The following SLC25A13 variants were observed in gnomAD, a reference collection of about 807,000 sequenced individuals.
The protein encoded by SLC25A13 is electrogenic aspartate/glutamate antiporter SLC25A13, mitochondrial.
SLC25A13 carries 70 observed loss-of-function variants against 85.5 expected under a neutral mutation model. The ratio of observed to expected loss-of-function variants is 0.82; its 90% CI spans 0.68 to 1.00. SLC25A13 has a LOEUF of 1.00. Ranked by LOEUF, SLC25A13 falls within the 50% of genes least tolerant of loss-of-function variation. The pLI, the probability that SLC25A13 is intolerant of heterozygous loss-of-function variation, is 0.00. For missense variants in SLC25A13, 765 were observed against 819.8 expected (o/e 0.93, Z 0.82); for synonymous variants, 259 against 288.7 (o/e 0.90, Z 1.04).
chr7:96,293,058 C>G (rs1475161938), intron 2 of SLC25A13, among the ~76,000 whole-genome samples: 1 of 152,178 alleles, frequency 6.6e-6, no homozygotes. Flanking sequence ...ACCAAAACAG[C>G]ACGGTACTGG....
At chr7:96,180,534 G>A (rs1214880076) in intron 11 of SLC25A13, among the ~76,000 whole-genome samples, 2 of 152,166 alleles carry the variant, frequency 1.3e-5, no homozygotes, top group Non-Finnish European at 2.9e-5. Flanking sequence ...TGGCCATGTT[G>A]GCCAGGCTGG....
intron 13 of SLC25A13, among the ~76,000 whole-genome samples, chr7:96,157,226 T>G (rs943852873): frequency 1.3e-5 from 2 of 151,052 alleles, no homozygotes; most frequent in Admixed American, 6.6e-5. Context: ...AAATGCTCTG[T>G]TTTTTTTTCA....
At chr7:96,211,361 A>C (rs558282617) in intron 4 of SLC25A13, among the ~76,000 whole-genome samples, 60 of 152,250 alleles carry the variant, frequency 3.9e-4, no homozygotes, top group African/African-American at 1.3e-3. Flanking sequence ...TCTCAGATCT[A>C]AAATCTGACA....
chr7:96,204,123 A>T (rs190004954), intron 5 of SLC25A13, among the ~76,000 whole-genome samples: 2 of 152,318 alleles, frequency 1.3e-5, no homozygotes, highest in East Asian at 3.9e-4. Context: ...GTAAATGCAA[A>T]ATTTTACCAT....
intron 4 of SLC25A13, among the ~76,000 whole-genome samples, chr7:96,229,069 G>C (rs1446819457): frequency 6.6e-6 from 1 of 152,198 alleles, no homozygotes; most frequent in African/African-American, 2.4e-5. Context: ...AGGTCCCACC[G>C]ACCACCCAAG....
chr7:96,321,918 C>T lies in SLC25A13; in HGVS notation c.15+24G>A, dbSNP rs1369945712. On this transcript the variant is annotated intron_variant, in intron 1 of 17. Coordinates refer to ENST00000265631, the MANE Select transcript of SLC25A13 (RefSeq NM_014251.3). Reference sequence around the variant, plus strand: ...CAGGCTGATCCGGCAGGCGCGCTCCCCCCGGCCTCGGGCCCGCGGTTACCT... The same window carrying T: ...CAGGCTGATCCGGCAGGCGCGCTCCTCCCGGCCTCGGGCCCGCGGTTACCT... 8.5e-6 allele frequency: 13 copies of T among 1,529,034 alleles called. No individual in the cohort carries two copies. The Admixed American group carries it at 1.6e-4, about 19-fold the overall frequency. The allele number at this position is 1,529,034 out of a possible 1,614,324, so 94.7% of individuals were successfully genotyped here. A position where few individuals can be genotyped will look rare whatever the true frequency, so the allele number is the denominator to read the frequency against.
intron 4 of SLC25A13, among the ~76,000 whole-genome samples, chr7:96,234,314 G>A (rs1046993598): frequency 1.5e-4 from 23 of 152,286 alleles, no homozygotes; most frequent in African/African-American, 4.8e-4. Flanking sequence ...GGGAGCGGGG[G>A]TTGTTTAGAA....
chr7:96,233,135 G>A (rs1796618663), intron 4 of SLC25A13, among the ~76,000 whole-genome samples: 1 of 152,096 alleles, frequency 6.6e-6, no homozygotes, highest in Admixed American at 6.5e-5. Flanking sequence ...ATATCAAATC[G>A]AACTCTCTTC....
intron 3 of SLC25A13, among the ~76,000 whole-genome samples, chr7:96,251,296 G>A (rs946361568): frequency 6.6e-6 from 1 of 152,166 alleles, no homozygotes; most frequent in African/African-American, 2.4e-5. Context: ...GGGAGGTAAC[G>A]TAAGGAGAGA....
intron 15 of SLC25A13, among the ~76,000 whole-genome samples, chr7:96,123,739 T>G (rs1179286359): frequency 1.3e-5 from 2 of 152,160 alleles, no homozygotes; most frequent in African/African-American, 2.4e-5. Flanking sequence ...GAGGATTTGC[T>G]AAGTTAACCT....
At chr7:96,210,287 C>G (rs908896236) in intron 4 of SLC25A13, among the ~76,000 whole-genome samples, 2 of 151,940 alleles carry the variant, frequency 1.3e-5, no homozygotes, top group Admixed American at 6.6e-5. Context: ...TTTTAAAGTA[C>G]AAGTACTGAA....
chr7:96,174,645 G>A (rs1488825392), intron 11 of SLC25A13, among the ~76,000 whole-genome samples: 1 of 152,156 alleles, frequency 6.6e-6, no homozygotes, highest in East Asian at 1.9e-4. Context: ...TGGATGGGTT[G>A]AAAGCACTGT....
intron 10 of SLC25A13, 84 bp from the exon 11 acceptor site, chr7:96,184,519 C>A (rs6962870): frequency 1.5e-6 from 2 of 1,295,284 alleles, no homozygotes; most frequent in Non-Finnish European, 2.2e-6. Context: ...AAGGACAAGA[C>A]TGAGAAAAGA....
At chr7:96,289,362 C>T (rs1799021583) in intron 2 of SLC25A13, among the ~76,000 whole-genome samples, 1 of 152,158 alleles carries the variant, frequency 6.6e-6, no homozygotes. Flanking sequence ...TCTCCTGCTC[C>T]AAAGGAACGC....
intron 11 of SLC25A13, among the ~76,000 whole-genome samples, chr7:96,172,693 A>C (rs1240900223): frequency 6.6e-6 from 1 of 152,062 alleles, no homozygotes; most frequent in African/African-American, 2.4e-5. Flanking sequence ...TCCATCCTTC[A>C]GACAGAAACC....
chr7:96,185,917 A>G (rs1029680880), intron 9 of SLC25A13, among the ~76,000 whole-genome samples: 2 of 151,792 alleles, frequency 1.3e-5, no homozygotes, highest in African/African-American at 4.8e-5. Context: ...AAATAAAATA[A>G]AGTAAATAAA....
At chr7:96,213,265 G>A (rs1795770853) in intron 4 of SLC25A13, among the ~76,000 whole-genome samples, 2 of 152,248 alleles carry the variant, frequency 1.3e-5, no homozygotes, top group South Asian at 4.1e-4. Flanking sequence ...CACTCTGGGA[G>A]ACATTATAAT....
intron 2 of SLC25A13, among the ~76,000 whole-genome samples, chr7:96,286,894 C>A (rs1798911020): frequency 6.6e-6 from 1 of 152,226 alleles, no homozygotes; most frequent in South Asian, 2.1e-4. Context: ...TTTCCTGCTA[C>A]CATCACACCT....
chr7:96,214,483 T>C (rs1795812987), intron 4 of SLC25A13, among the ~76,000 whole-genome samples: 1 of 152,166 alleles, frequency 6.6e-6, no homozygotes, highest in Non-Finnish European at 1.5e-5. Context: ...ATCCCAGCAT[T>C]TGGGAGGCCC....
Sources: allele counts gnomAD v4.1 joint callset (sites outside exome capture counted in the v4.1 genomes callset), GRCh38; gene constraint gnomAD v4.1.1; transcripts MANE v1.5; gene names NCBI Gene and HGNC (gene_info 2026-07-23, HGNC 2026-07-21).